CNTNAP2: variants seen among roughly 807,000 people sequenced by gnomAD.
CNTNAP2 encodes the protein contactin associated protein 2.
In CNTNAP2, 98 loss-of-function variants were observed where a neutral mutation model predicts 155.2. That is an observed-to-expected ratio of 0.63 (90% CI 0.54 to 0.75). The LOEUF is 0.75. Among genes scored for constraint, CNTNAP2 ranks in the 30% least tolerant of loss-of-function variants. The pLI is 0.00. For missense variants in CNTNAP2, 1,727 were observed against 1,688.1 expected, an observed-to-expected ratio of 1.02 and a Z score of -0.40; for synonymous variants, 651 against 631.2, an observed-to-expected ratio of 1.03 and a Z score of -0.47.
intron 13 of CNTNAP2, among the ~76,000 whole-genome samples, chr7:147,792,492 G>A (rs1050644410): frequency 6.6e-6 from 1 of 150,494 alleles, no homozygotes; most frequent in Non-Finnish European, 1.5e-5. Context: ...GTCAATCCAC[G>A]TTGTAGTGTG....
intron 13 of CNTNAP2, among the ~76,000 whole-genome samples, chr7:147,661,571 T>TA (rs1353182451): frequency 6.3e-5 from 9 of 141,956 alleles, no homozygotes; most frequent in Admixed American, 2.8e-4. Context: ...TTTTTTTTTT[T>TA]AGACGGAGTC....
chr7:147,196,294 C>T (rs1294737362), intron 8 of CNTNAP2, among the ~76,000 whole-genome samples: 1 of 152,178 alleles, frequency 6.6e-6, no homozygotes, highest in Non-Finnish European at 1.5e-5. Flanking sequence ...TGATGGCTAC[C>T]ATTTTAGATC....
intron 14 of CNTNAP2, among the ~76,000 whole-genome samples, chr7:147,961,524 G>A (rs925080901): frequency 2.0e-5 from 3 of 152,142 alleles, no homozygotes; most frequent in African/African-American, 7.2e-5. Context: ...CTTCTCAAAA[G>A]GGCATGGTAT....
At chr7:146,671,827 T>A (rs2907671) in intron 1 of CNTNAP2, among the ~76,000 whole-genome samples, 119,872 of 150,416 alleles carry the variant, frequency 0.8, 48,329 homozygotes, top group South Asian at 0.89. Context: ...TTTATTTTTA[T>A]TTTTTTTTGA....
In CNTNAP2 at chr7:148,159,902, A is replaced by G. The variant is rs115375465; in HGVS notation, c.2773+12193A>G. Among the ~76,000 whole-genome samples, 1,226 of 152,120 alleles carry G rather than the reference A, an allele frequency of 8.1e-3. 15 individuals carry two copies. Among genetic ancestry groups the G allele is most frequent in the African/African-American group, 0.027 (1,141 of 41,494 alleles). ...TATATAATTTCCATCTTTGTTCCTT[A>G]TGACATTTTTTTTTAAATCTCACAG... On this transcript the variant is annotated intron_variant, in intron 17 of 23. Transcript: ENST00000361727.
chr7:147,310,905 T>A (rs1795112227), intron 9 of CNTNAP2, among the ~76,000 whole-genome samples: 2 of 152,108 alleles, frequency 1.3e-5, no homozygotes, highest in African/African-American at 2.4e-5. Context: ...CAGGGTTGGG[T>A]CAGTGGATAG....
rs1441637176 is a variant in CNTNAP2, at chr7:146,539,558, A to T, written c.98-234713A>T. Among the ~76,000 whole-genome samples, 2 of 152,022 alleles carry T rather than the reference A, an allele frequency of 1.3e-5. 1 individual carries two copies. Among genetic ancestry groups the T allele is most frequent in the African/African-American group, 4.8e-5 (2 of 41,424 alleles). On this transcript the variant is annotated intron_variant, in intron 1 of 23. Transcript: ENST00000361727. ...ACATGAAAAAAAAAATACATAGACT[A>T]TGGGCAGGTGGGAAAGAAAACAGGA...
intron 13 of CNTNAP2, among the ~76,000 whole-genome samples, chr7:147,887,706 A>G (rs1462807497): frequency 6.6e-6 from 1 of 152,176 alleles, no homozygotes; most frequent in East Asian, 1.9e-4. Flanking sequence ...AATAAATTAT[A>G]TCAAATATCC....
chr7:146,518,498 A>T (rs1797572521), intron 1 of CNTNAP2, among the ~76,000 whole-genome samples: 1 of 151,850 alleles, frequency 6.6e-6, no homozygotes, highest in Admixed American at 6.6e-5. Flanking sequence ...CTTTATCCTG[A>T]GTCACCTAAA....
intron 13 of CNTNAP2, among the ~76,000 whole-genome samples, chr7:147,766,648 T>A (rs117432026): frequency 1.3e-5 from 2 of 152,144 alleles, no homozygotes; most frequent in Admixed American, 1.3e-4. Flanking sequence ...ACTTTTCAAG[T>A]ACTTGAAGCA....
intron 2 of CNTNAP2, among the ~76,000 whole-genome samples, chr7:146,822,824 T>A (rs987528643): frequency 2.0e-5 from 3 of 149,380 alleles, no homozygotes; most frequent in Non-Finnish European, 4.4e-5. Context: ...CTTCAGCATA[T>A]TTAAATATAA....
At chr7:146,404,204 C>T (rs1405773923) in intron 1 of CNTNAP2, among the ~76,000 whole-genome samples, 1 of 151,010 alleles carries the variant, frequency 6.6e-6, no homozygotes, top group Non-Finnish European at 1.5e-5. Flanking sequence ...GATGAATATT[C>T]ACTGAAGAAC....
At chr7:147,029,526 T>C (rs548104579) in intron 3 of CNTNAP2, among the ~76,000 whole-genome samples, 1 of 146,628 alleles carries the variant, frequency 6.8e-6, no homozygotes, top group African/African-American at 2.5e-5. Context: ...ACAGTACAAA[T>C]GGAGAAACAT....
At chr7:147,877,271 G>C (rs1799438225) in intron 13 of CNTNAP2, among the ~76,000 whole-genome samples, 1 of 152,270 alleles carries the variant, frequency 6.6e-6, no homozygotes, top group East Asian at 1.9e-4. Context: ...CCAGCTGCCA[G>C]AGCCTTTTTG....
intron 10 of CNTNAP2, among the ~76,000 whole-genome samples, chr7:147,481,750 C>A (rs889790714): frequency 1.3e-5 from 2 of 152,126 alleles, no homozygotes; most frequent in Non-Finnish European, 1.5e-5. Context: ...CAAATTGACA[C>A]CTGCCAACTT....
intron 20 of CNTNAP2, among the ~76,000 whole-genome samples, chr7:148,256,776 G>A (rs1219273937): frequency 1.3e-5 from 2 of 152,082 alleles, no homozygotes. Context: ...TCTTGGACCG[G>A]AGAGCCCCCA....
At chr7:146,191,667 C>T (rs967893149) in intron 1 of CNTNAP2, among the ~76,000 whole-genome samples, 7 of 152,222 alleles carry the variant, frequency 4.6e-5, no homozygotes, top group African/African-American at 1.2e-4. Flanking sequence ...CCTGGGAATG[C>T]GTTCTCTTTC....
At chr7:146,450,316 C>T (rs190321998) in intron 1 of CNTNAP2, among the ~76,000 whole-genome samples, 1 of 152,144 alleles carries the variant, frequency 6.6e-6, no homozygotes, top group Non-Finnish European at 1.5e-5. Context: ...CCAAATCTGA[C>T]AGATTTTAAA....
chr7:147,390,701 C>T (rs1377732748), intron 9 of CNTNAP2, among the ~76,000 whole-genome samples: 2 of 152,028 alleles, frequency 1.3e-5, no homozygotes, highest in South Asian at 2.1e-4. Context: ...TGCCTTTATA[C>T]TTAACCTTGG....
Sources: gnomAD v4.1 joint callset for allele counts (sites outside exome capture counted in the v4.1 genomes callset) on GRCh38, gnomAD v4.1.1 for gene constraint, MANE v1.5 for transcripts, NCBI Gene and HGNC (gene_info 2026-07-23, HGNC 2026-07-21) for gene names.